The following RAP1A variants were observed in gnomAD, a reference collection of about 807,000 sequenced individuals.
The protein encoded by RAP1A is ras-related protein Rap-1A.
A neutral mutation model predicts 26.4 loss-of-function variants in RAP1A; 6 were observed. The ratio of observed to expected loss-of-function variants is 0.23; its 90% CI spans 0.12 to 0.45. The LOEUF is 0.45. RAP1A is among the 20% of genes least tolerant of loss of function. RAP1A has a pLI of 0.99. For missense variants in RAP1A, 121 were observed against 217.2 expected, an observed-to-expected ratio of 0.56 and a Z score of 2.78; for synonymous variants, 73 against 79.4, an observed-to-expected ratio of 0.92 and a Z score of 0.43.
chr1:111,713,908 T>G lies in RAP1A; in HGVS notation c.*1507T>G, dbSNP rs1295651967. On this transcript the variant is annotated 3_prime_UTR_variant, in exon 8 of 8. Coordinates refer to ENST00000369709, the MANE Select transcript of RAP1A (RefSeq NM_002884.4). ...AAACCCTGTGCCTTGTCCTCAAATA[T>G]TAAGGAGGAGACAGACCAGTCCTAG... 1.3e-5 allele frequency: 2 copies of G among 152,108 alleles called. No homozygotes were observed. The highest frequency in any genetic ancestry group is 2.9e-5 in the Non-Finnish European group (2 of 68,010). The allele number at this position is 152,108 out of a possible 1,614,324, so 9.4% of individuals were successfully genotyped here.
intron 1 of RAP1A, among the ~76,000 whole-genome samples, chr1:111,567,751 TGGAAAGGCAGA>T: frequency 6.6e-6 from 1 of 152,160 alleles, no homozygotes; most frequent in South Asian, 2.1e-4. Context: ...TGCAGGGCAG[TGGAAAGGCAGA>T]GGAAAGGCCT....
chr1:111,663,392 T>C (rs1214210844), intron 1 of RAP1A, among the ~76,000 whole-genome samples: 1 of 152,278 alleles, frequency 6.6e-6, no homozygotes, highest in Admixed American at 6.5e-5. Flanking sequence ...GTTCCTAATC[T>C]GACAGTGCTT....
chr1:111,704,949 A>G (rs1377109047), intron 6 of RAP1A, among the ~76,000 whole-genome samples: 1 of 152,032 alleles, frequency 6.6e-6, no homozygotes, highest in Non-Finnish European at 1.5e-5. Flanking sequence ...GTGGGTATGG[A>G]CATGTACCTG....
At chr1:111,625,231 G>T (rs543581498) in intron 1 of RAP1A, among the ~76,000 whole-genome samples, 1 of 152,102 alleles carries the variant, frequency 6.6e-6, no homozygotes, top group Non-Finnish European at 1.5e-5. Flanking sequence ...GTTTTTTGCA[G>T]TGCAGTGCTG....
rs1262721082 is a variant in RAP1A, at chr1:111,714,346, A to G, written c.*1945A>G. The G allele has an allele frequency of 6.6e-6, 1 of 152,230 alleles. No individual in the cohort carries two copies. Among genetic ancestry groups the G allele is most frequent in the Non-Finnish European group, 1.5e-5 (1 of 68,046 alleles). The allele number at this position is 152,230 out of a possible 1,614,324, so 9.4% of individuals were successfully genotyped here. A position where few individuals can be genotyped will look rare whatever the true frequency, so the allele number is the denominator to read the frequency against. On this transcript the variant is annotated 3_prime_UTR_variant, in exon 8 of 8. Coordinates refer to ENST00000369709, the MANE Select transcript of RAP1A (RefSeq NM_002884.4). ...TTCTGCTTTAAAACACCCCTCAAAC[A>G]TACCTTTAAACTTAAGATCATAGAC...
At chr1:111,664,648 C>T (rs2101166166) in intron 1 of RAP1A, among the ~76,000 whole-genome samples, 1 of 152,250 alleles carries the variant, frequency 6.6e-6, no homozygotes, top group East Asian at 1.9e-4. Context: ...TTTCCATGTC[C>T]TGTCATTCCT....
At chr1:111,685,255 A>G (rs1436104816) in intron 1 of RAP1A, among the ~76,000 whole-genome samples, 1 of 152,222 alleles carries the variant, frequency 6.6e-6, no homozygotes, top group Non-Finnish European at 1.5e-5. Context: ...AATGGCAACG[A>G]AAGCCAAAAT....
chr1:111,607,208 G>A (rs1327798661), intron 1 of RAP1A, among the ~76,000 whole-genome samples: 2 of 151,442 alleles, frequency 1.3e-5, no homozygotes, highest in Non-Finnish European at 3.0e-5. Flanking sequence ...TTGAGATTAG[G>A]GAGTGGTGAT....
intron 1 of RAP1A, among the ~76,000 whole-genome samples, chr1:111,671,451 C>G (rs1445495373): frequency 6.6e-6 from 1 of 152,072 alleles, no homozygotes; most frequent in Non-Finnish European, 1.5e-5. Context: ...TCATGTAAGT[C>G]AAGTATACTA....
intron 1 of RAP1A, among the ~76,000 whole-genome samples, chr1:111,572,318 A>C (rs1028064649): frequency 6.6e-6 from 1 of 152,260 alleles, no homozygotes; most frequent in Non-Finnish European, 1.5e-5. Context: ...GCTTCCTACC[A>C]TTCAAGTTTC....
intron 1 of RAP1A, among the ~76,000 whole-genome samples, chr1:111,611,044 A>G (rs1399393714): frequency 6.6e-6 from 1 of 152,242 alleles, no homozygotes; most frequent in African/African-American, 2.4e-5. Context: ...TATTACAAGA[A>G]CTGGAACTGT....
At chr1:111,599,582 G>A (rs548352709) in intron 1 of RAP1A, 2 of 152,342 alleles carry the variant, frequency 1.3e-5, no homozygotes, top group South Asian at 2.1e-4. Context: ...TGTTGGGGGT[G>A]GGCTGAAAGT....
chr1:111,644,434 C>CT (rs895231848), intron 1 of RAP1A, among the ~76,000 whole-genome samples: 13 of 152,110 alleles, frequency 8.5e-5, no homozygotes, highest in African/African-American at 1.2e-4. Flanking sequence ...TCACATCACT[C>CT]TAAGATTCAG....
intron 2 of RAP1A, among the ~76,000 whole-genome samples, chr1:111,692,231 T>A (rs1259348004): frequency 6.6e-6 from 1 of 152,146 alleles, no homozygotes; most frequent in African/African-American, 2.4e-5. Flanking sequence ...CTACTAATTT[T>A]ATGGATGGAT....
intron 1 of RAP1A, among the ~76,000 whole-genome samples, chr1:111,642,565 G>T (rs1659925151): frequency 6.6e-6 from 1 of 150,520 alleles, no homozygotes. Flanking sequence ...TTAGCTCACT[G>T]CAAGCTCCGC....
At chr1:111,553,268 A>C (rs1657344703) in intron 1 of RAP1A, among the ~76,000 whole-genome samples, 1 of 152,240 alleles carries the variant, frequency 6.6e-6, no homozygotes, top group South Asian at 2.1e-4. Context: ...CCATTATAGA[A>C]GATTTGAGTT....
intron 1 of RAP1A, among the ~76,000 whole-genome samples, chr1:111,689,630 G>T (rs1571563690): frequency 6.6e-6 from 1 of 151,662 alleles, no homozygotes; most frequent in Non-Finnish European, 1.5e-5. Context: ...TCATCATCTC[G>T]TTTCTGGGAT....
intron 1 of RAP1A, among the ~76,000 whole-genome samples, chr1:111,653,079 A>G (rs1660327874): frequency 6.6e-6 from 1 of 152,224 alleles, no homozygotes; most frequent in Non-Finnish European, 1.5e-5. Flanking sequence ...ATTTAGCCAT[A>G]AAAAGGAATG....
At chr1:111,689,919 A>G (rs1571564059) in intron 1 of RAP1A, among the ~76,000 whole-genome samples, 1 of 151,820 alleles carries the variant, frequency 6.6e-6, no homozygotes, top group Non-Finnish European at 1.5e-5. Flanking sequence ...CTCGTGATCC[A>G]CCCGCCTCGA....
Sources: gnomAD v4.1 joint callset for allele counts (sites outside exome capture counted in the v4.1 genomes callset) on GRCh38, gnomAD v4.1.1 for gene constraint, MANE v1.5 for transcripts, NCBI Gene and HGNC (gene_info 2026-07-23, HGNC 2026-07-21) for gene names.